YME1L1: variants seen among roughly 807,000 people sequenced by gnomAD.
The protein encoded by YME1L1 is ATP-dependent zinc metalloprotease YME1L1.
In YME1L1, 39 loss-of-function variants were observed where a neutral mutation model predicts 90.4. The ratio of observed to expected loss-of-function variants is 0.43; its 90% CI spans 0.33 to 0.56. The LOEUF (loss-of-function observed/expected upper bound fraction) is 0.56. Ranked by LOEUF, YME1L1 falls within the 20% of genes least tolerant of loss-of-function variation. The pLI, the probability that YME1L1 is intolerant of heterozygous loss-of-function variation, is 0.03. For synonymous variants in YME1L1, 284 were observed against 287.3 expected, an observed-to-expected ratio of 0.99 and a Z score of 0.12; for missense variants, 617 against 868.4, an observed-to-expected ratio of 0.71 and a Z score of 3.64.
chr10:27,135,294 G>GA (rs904978819), intron 5 of YME1L1, among the ~76,000 whole-genome samples: 63 of 152,194 alleles, frequency 4.1e-4, no homozygotes, highest in African/African-American at 1.4e-3. Context: ...TTTGCTAGAG[G>GA]AAAAAATCTC....
chr10:27,119,746 T>C (rs1382412177), intron 13 of YME1L1, among the ~76,000 whole-genome samples: 9 of 151,364 alleles, frequency 5.9e-5, no homozygotes, highest in Non-Finnish European at 1.2e-4. Context: ...GAGGTGGAGG[T>C]TGCAGTAAGC....
At chr10:27,138,939 G>A (rs2057056855) in intron 4 of YME1L1, among the ~76,000 whole-genome samples, 1 of 151,838 alleles carries the variant, frequency 6.6e-6, no homozygotes, top group Non-Finnish European at 1.5e-5. Context: ...AGGAAGCACA[G>A]CAATTAAAAT....
intron 10 of YME1L1, 69 bp from the exon 11 acceptor site, chr10:27,123,042 A>G (rs2056882326): frequency 2.6e-6 from 4 of 1,545,760 alleles, no homozygotes; most frequent in Non-Finnish European, 3.5e-6. Flanking sequence ...CGAGATAAAT[A>G]TTAAAATCCT....
intron 8 of YME1L1, 34 bp downstream of exon 8, chr10:27,131,825 G>T: frequency 6.6e-7 from 1 of 1,505,364 alleles, no homozygotes; most frequent in Non-Finnish European, 9.2e-7. Flanking sequence ...ATTAGAGGAT[G>T]TATGAAGAAG....
rs372912194 is a variant in YME1L1, at chr10:27,154,235, A to T, written c.-25T>A. ...TCTCCGGCGGGCCCTCAGCGACCTC[A>T]CCCGCCTGCCGAAACTGTGCCCCTC... On this transcript the variant is annotated 5_prime_UTR_variant, in exon 1 of 19. Coordinates refer to ENST00000376016, the MANE Select transcript of YME1L1 (RefSeq NM_014263.4). The T allele has an allele frequency of 2.5e-5, 39 of 1,569,148 alleles. No homozygotes were observed. The highest frequency in any genetic ancestry group is 3.4e-5 in the Non-Finnish European group (39 of 1,157,880).
chr10:27,112,635 C>T (rs117617852), intron 18 of YME1L1, among the ~76,000 whole-genome samples: 1,821 of 152,270 alleles, frequency 0.012, 22 homozygotes, highest in South Asian at 0.033. Flanking sequence ...GCTATCCAAC[C>T]GTCTTCATTG....
Position 27,150,245 on chromosome 10 carries a change from C to T in YME1L1, c.34-1205G>A, listed in dbSNP as rs562271797. On this transcript the variant is annotated intron_variant, in intron 1 of 18. Transcript: ENST00000376016. ...TAAATATTTGTTGAGTAAATGAATACATTAAATGGGTTCTTATTATATACC... is the reference window on the plus strand; with the variant it reads ...TAAATATTTGTTGAGTAAATGAATATATTAAATGGGTTCTTATTATATACC... Among the ~76,000 whole-genome samples the T allele has an allele frequency of 2.0e-5, 3 of 152,120 alleles. No homozygotes were observed. In the South Asian group the frequency reaches 6.2e-4, roughly 32 times the overall value.
intron 4 of YME1L1, among the ~76,000 whole-genome samples, chr10:27,137,854 ATTTAT>A (rs1185174840): frequency 6.6e-6 from 1 of 152,248 alleles, no homozygotes; most frequent in Non-Finnish European, 1.5e-5. Context: ...TATTGTAAAC[ATTTAT>A]TTTAATGTGT....
chr10:27,112,208 C>T, intron 18 of YME1L1, 88 bp from the exon 19 acceptor site: 1 of 1,182,184 alleles, frequency 8.5e-7, no homozygotes, highest in South Asian at 1.5e-5. Flanking sequence ...ACTTTATGTA[C>T]CCTAAAAAAT....
rs768361666 is a variant in YME1L1, at chr10:27,154,378, G to T, written c.-168C>A. The T allele has an allele frequency of 5.9e-5, 45 of 765,738 alleles. No individual in the cohort carries two copies. The highest frequency in any genetic ancestry group is 7.3e-5 in the Non-Finnish European group (35 of 479,868). 47.4% of individuals were successfully genotyped at this position (765,738 alleles called of 1,614,324 possible). A position where few individuals can be genotyped will look rare whatever the true frequency, so the allele number is the denominator to read the frequency against. On this transcript the variant is annotated 5_prime_UTR_variant, in exon 1 of 19. Coordinates refer to ENST00000376016, the MANE Select transcript of YME1L1 (RefSeq NM_014263.4). ...CTCCCCTTCCTACAGCTACTGCAAC[G>T]ACAGACAATCCGCCCCGGAAGGCGA...
chr10:27,145,625 T>C, intron 2 of YME1L1, 35 bp from the exon 3 acceptor site: 2 of 1,556,770 alleles, frequency 1.3e-6, no homozygotes, highest in South Asian at 1.2e-5. Flanking sequence ...TATGCATTAA[T>C]ATTATCAAGA....
chr10:27,142,122 T>A (rs912353069), intron 4 of YME1L1, among the ~76,000 whole-genome samples: 1 of 152,114 alleles, frequency 6.6e-6, no homozygotes, highest in Non-Finnish European at 1.5e-5. Context: ...AGTAAGCAAA[T>A]GTGGTTAGTC....
chr10:27,148,882 C>T (rs2057175210), intron 2 of YME1L1, 24 bp downstream of exon 2: 4 of 1,612,390 alleles, frequency 2.5e-6, no homozygotes, highest in Middle Eastern at 1.7e-4. Flanking sequence ...AAGGCTTTCT[C>T]ACACAACCAG....
At chr10:27,116,785 T>C (rs1298828708) in intron 15 of YME1L1, among the ~76,000 whole-genome samples, 1 of 152,110 alleles carries the variant, frequency 6.6e-6, no homozygotes, top group Non-Finnish European at 1.5e-5. Context: ...CTCAGCACTT[T>C]GGGAGGCTGA....
intron 4 of YME1L1, among the ~76,000 whole-genome samples, chr10:27,137,123 G>T (rs1419873872): frequency 6.6e-6 from 1 of 151,670 alleles, no homozygotes; most frequent in Admixed American, 6.6e-5. Context: ...TTGAAAAAAG[G>T]GTAAGTGTAT....
At chr10:27,127,857 ATGGT>A (rs1394846985) in intron 8 of YME1L1, among the ~76,000 whole-genome samples, 2 of 152,198 alleles carry the variant, frequency 1.3e-5, no homozygotes, top group Non-Finnish European at 2.9e-5. Flanking sequence ...AATGAAATTT[ATGGT>A]TAAAAAAAGA....
At chr10:27,122,297 C>T (rs1214270094) in intron 11 of YME1L1, among the ~76,000 whole-genome samples, 1 of 152,298 alleles carries the variant, frequency 6.6e-6, no homozygotes, top group Middle Eastern at 3.4e-3. Context: ...GCTTAGGTGC[C>T]TGGTTAATTT....
In YME1L1 at chr10:27,113,764, A is replaced by T. The variant is rs546750801; in HGVS notation, c.2007+757T>A. Among the ~76,000 whole-genome samples the T allele has an allele frequency of 2.0e-5, 3 of 151,660 alleles. No homozygotes were observed. The South Asian group carries it at 6.3e-4, about 32-fold the overall frequency. On this transcript the variant is annotated intron_variant, in intron 18 of 18. Transcript: ENST00000376016. ...GTGCCTGTAGCCCCAGCTACTTGGGAGGTTGACTTGAGCCCAGGAGTTCAA... is the reference window on the plus strand; with the variant it reads ...GTGCCTGTAGCCCCAGCTACTTGGGTGGTTGACTTGAGCCCAGGAGTTCAA...
intron 8 of YME1L1, among the ~76,000 whole-genome samples, chr10:27,128,236 A>G (rs543918574): frequency 6.6e-6 from 1 of 152,310 alleles, no homozygotes; most frequent in South Asian, 2.1e-4. Flanking sequence ...GATTTGGTAA[A>G]CATTTGTCAC....
Sources: allele counts gnomAD v4.1 joint callset (sites outside exome capture counted in the v4.1 genomes callset), GRCh38; gene constraint gnomAD v4.1.1; transcripts MANE v1.5; gene names NCBI Gene and HGNC (gene_info 2026-07-23, HGNC 2026-07-21).